Variants in CAMK1D observed in about 807,000 individuals in gnomAD.
CAMK1D encodes calcium/calmodulin dependent protein kinase ID.
A neutral mutation model predicts 47.7 loss-of-function variants in CAMK1D; 9 were observed. The observed-to-expected ratio is 0.19, with a 90% confidence interval of 0.11 to 0.33. The LOEUF (loss-of-function observed/expected upper bound fraction) is 0.33. Ranked by LOEUF, CAMK1D falls within the 10% of genes least tolerant of loss-of-function variation. CAMK1D has a pLI of 1.00. For synonymous variants in CAMK1D, 184 were observed against 184.9 expected (o/e 0.99, Z 0.04); for missense variants, 291 against 488.7 (o/e 0.60, Z 3.81).
In CAMK1D at chr10:12,651,602, G is replaced by A. The variant is rs149169411; in HGVS notation, c.225-15134G>A. ...CTTTTTGGAGAGACGGGATTTCACC[G>A]TGTTGTCCAGGCTGGTCTCAAACTC... is the stretch of plus-strand genomic sequence containing the variant. On this transcript the variant is annotated intron_variant, in intron 2 of 10. Transcript: ENST00000619168. 4.8e-4 allele frequency among the ~76,000 whole-genome samples: 72 copies of A among 151,308 alleles called. 2 individuals carry two copies. The East Asian group carries it at 0.011, about 23-fold the overall frequency.
chr10:12,355,175 C>T (rs1837472137), intron 1 of CAMK1D, among the ~76,000 whole-genome samples: 1 of 152,052 alleles, frequency 6.6e-6, no homozygotes, highest in Non-Finnish European at 1.5e-5. Context: ...GTACTAGTAG[C>T]ACAATAAGAG....
chr10:12,377,202 T>TA lies in CAMK1D; in HGVS notation c.92+27302dup, dbSNP rs1014085264. On this transcript the variant is annotated intron_variant, in intron 1 of 10. Coordinates refer to ENST00000619168, the MANE Select transcript of CAMK1D (RefSeq NM_153498.4). ...GGCAAACAAAACAAAACAAACAAAT[T>TA]AAAAAAAAAATGTTCTTCCCAGTGT... 5.3e-3 allele frequency among the ~76,000 whole-genome samples: 793 copies of TA among 149,586 alleles called. 10 individuals carry two copies. Among genetic ancestry groups the TA allele is most frequent in the African/African-American group, 0.018 (730 of 40,858 alleles).
chr10:12,519,056 A>AG (rs1241342725), intron 1 of CAMK1D, among the ~76,000 whole-genome samples: 1 of 105,160 alleles, frequency 9.5e-6, no homozygotes, highest in Non-Finnish European at 2.1e-5. Context: ...ACTTCCCAGT[A>AG]GGGGTGGCCG....
intron 3 of CAMK1D, among the ~76,000 whole-genome samples, chr10:12,707,969 G>A (rs943800544): frequency 9.9e-5 from 15 of 152,166 alleles, no homozygotes; most frequent in African/African-American, 3.6e-4. Context: ...CCCTCTGCCC[G>A]ACCTGTAACC....
chr10:12,662,483 T>C (rs978629120), intron 2 of CAMK1D, among the ~76,000 whole-genome samples: 7 of 152,044 alleles, frequency 4.6e-5, no homozygotes, highest in Non-Finnish European at 1.0e-4. Flanking sequence ...AAACCCTGTC[T>C]CTACTAAAAA....
rs570381136 is a variant in CAMK1D at position 12,658,924 on chromosome 10, G to A, written c.225-7812G>A. Among the ~76,000 whole-genome samples, 6 of 152,326 alleles carry A rather than the reference G, an allele frequency of 3.9e-5. 1 individual carries two copies. The highest frequency in any genetic ancestry group is 1.4e-4 in the African/African-American group (6 of 41,576). Reference sequence around the variant, plus strand: ...AGGCAAGAACCCCAGGATACAGAAAGCCCTCTGTCCTTGTGATAAGGCAGA... The same window carrying A: ...AGGCAAGAACCCCAGGATACAGAAAACCCTCTGTCCTTGTGATAAGGCAGA... On this transcript the variant is annotated intron_variant, in intron 2 of 10. Transcript: ENST00000619168.
At chr10:12,689,983 CAG>C (rs1343671160) in intron 3 of CAMK1D, among the ~76,000 whole-genome samples, 1 of 152,134 alleles carries the variant, frequency 6.6e-6, no homozygotes, top group Non-Finnish European at 1.5e-5. Flanking sequence ...CTGTCATGTA[CAG>C]AGATTGTCGG....
At position 12,736,318 on chromosome 10, in the gene CAMK1D, A is replaced by G. The variant is rs1430875435; in HGVS notation, c.300-24630A>G. Among the ~76,000 whole-genome samples the G allele has an allele frequency of 2.0e-5, 3 of 152,162 alleles. No individual in the cohort carries two copies. In the East Asian group the frequency reaches 5.8e-4, roughly 29 times the overall value. On this transcript the variant is annotated intron_variant, in intron 3 of 10. Transcript: ENST00000619168. ...CCTCGGCGTCCCCAAGGAGTGGTAT[A>G]AGAGCAACATGTACTGCCAAGTAGC...
At chr10:12,351,081 C>T (rs1010304541) in intron 1 of CAMK1D, among the ~76,000 whole-genome samples, 2 of 152,068 alleles carry the variant, frequency 1.3e-5, no homozygotes, top group Middle Eastern at 3.2e-3. Context: ...CCAGGCTCGG[C>T]GTCTGCTGCT....
intron 3 of CAMK1D, among the ~76,000 whole-genome samples, chr10:12,734,565 T>C (rs1477984297): frequency 8.2e-5 from 12 of 146,510 alleles, no homozygotes; most frequent in African/African-American, 2.3e-4. Context: ...TATATACACA[T>C]ATGTGTATAT....
chr10:12,360,017 T>A (rs1837614354), intron 1 of CAMK1D, among the ~76,000 whole-genome samples: 1 of 152,236 alleles, frequency 6.6e-6, no homozygotes. Flanking sequence ...ATTTCTCCTC[T>A]TGACCTGTCC....
chr10:12,557,749 C>T (rs1052267392), intron 2 of CAMK1D, among the ~76,000 whole-genome samples: 3 of 151,890 alleles, frequency 2.0e-5, no homozygotes, highest in Non-Finnish European at 4.4e-5. Context: ...GGTTTATTTC[C>T]ACGCTATTTT....
Position 12,578,570 on chromosome 10 carries a change from C to CAAAAAAAAAA in CAMK1D, c.224+25220_224+25229dup, listed in dbSNP as rs781669327. Among the ~76,000 whole-genome samples the CAAAAAAAAAA allele has an allele frequency of 5.4e-4, 50 of 93,252 alleles. 1 individual carries two copies. Among genetic ancestry groups the CAAAAAAAAAA allele is most frequent in the African/African-American group, 2.1e-3 (40 of 18,722 alleles). The allele number at this position is 93,252 out of a possible 152,430, so 61.2% of individuals were successfully genotyped here. ...GGGCAACAAGAGCTAAACTCCATCT[C>CAAAAAAAAAA]AAAAAAAAAAAAAAAGTTTTGTAGA... On this transcript the variant is annotated intron_variant, in intron 2 of 10. Transcript: ENST00000619168.
At chr10:12,798,010 C>T (rs541880160) in intron 6 of CAMK1D, among the ~76,000 whole-genome samples, 8 of 152,234 alleles carry the variant, frequency 5.3e-5, no homozygotes, top group African/African-American at 1.7e-4. Flanking sequence ...AACTCCCTGC[C>T]GGTGACCTCA....
Position 12,832,623 on chromosome 10 carries a change from C to T in CAMK1D, c.*3736C>T, listed in dbSNP as rs775986750. On this transcript the variant is annotated 3_prime_UTR_variant, in exon 11 of 11. Coordinates refer to ENST00000619168, the MANE Select transcript of CAMK1D (RefSeq NM_153498.4). Reference sequence around the variant, plus strand: ...AAGAGCTATGGCAAAGCGTGCCATACAAAGTTAAAAAAAGGAAGAGTGGCT... The same window carrying T: ...AAGAGCTATGGCAAAGCGTGCCATATAAAGTTAAAAAAAGGAAGAGTGGCT... 1 of 152,132 alleles carries T rather than the reference C, an allele frequency of 6.6e-6. No homozygotes were observed. The highest frequency in any genetic ancestry group is 2.1e-4 in the South Asian group (1 of 4,826). The allele number at this position is 152,132 out of a possible 1,614,324, so 9.4% of individuals were successfully genotyped here.
chr10:12,372,848 C>G (rs912246873), intron 1 of CAMK1D, among the ~76,000 whole-genome samples: 3 of 152,162 alleles, frequency 2.0e-5, no homozygotes, highest in Non-Finnish European at 4.4e-5. Context: ...CCAGGCTGGT[C>G]TTGAACTCCT....
chr10:12,505,670 G>C (rs1431839203), intron 1 of CAMK1D, among the ~76,000 whole-genome samples: 1 of 152,178 alleles, frequency 6.6e-6, no homozygotes, highest in East Asian at 1.9e-4. Flanking sequence ...AAAGCAAATG[G>C]TCCAGCACTC....
At chr10:12,813,741 A>T (rs56935431) in intron 6 of CAMK1D, among the ~76,000 whole-genome samples, 1 of 151,486 alleles carries the variant, frequency 6.6e-6, no homozygotes, top group African/African-American at 2.4e-5. Context: ...CGCGGTACAG[A>T]TTTTCTTTTT....
At chr10:12,534,956 TA>T (rs1367471929) in intron 1 of CAMK1D, among the ~76,000 whole-genome samples, 1 of 152,190 alleles carries the variant, frequency 6.6e-6, no homozygotes, top group African/African-American at 2.4e-5. Context: ...TGGCCACAGA[TA>T]ACTGCAAGGT....
Sources: allele counts gnomAD v4.1 joint callset (sites outside exome capture counted in the v4.1 genomes callset), GRCh38; gene constraint gnomAD v4.1.1; transcripts MANE v1.5; gene names NCBI Gene and HGNC (gene_info 2026-07-23, HGNC 2026-07-21).